The following ERC2 variants were observed in gnomAD, a reference collection of about 807,000 sequenced individuals.
The protein encoded by ERC2 is ELKS/RAB6-interacting/CAST family member 2.
A neutral mutation model predicts 114.8 loss-of-function variants in ERC2; 42 were observed. That is an observed-to-expected ratio of 0.37 (90% CI 0.29 to 0.47). The LOEUF (loss-of-function observed/expected upper bound fraction) is 0.47. ERC2 is among the 20% of genes least tolerant of loss of function. The pLI is 0.99. For synonymous variants in ERC2, 454 were observed against 425.5 expected, an observed-to-expected ratio of 1.07 and a Z score of -0.82; for missense variants, 939 against 1,150.7, an observed-to-expected ratio of 0.82 and a Z score of 2.66.
chr3:55,724,869 T>C (rs1372341561), intron 15 of ERC2, among the ~76,000 whole-genome samples: 1 of 152,176 alleles, frequency 6.6e-6, no homozygotes, highest in Non-Finnish European at 1.5e-5. Flanking sequence ...ACACTCTACT[T>C]TGGTGGTGGA....
intron 2 of ERC2, among the ~76,000 whole-genome samples, chr3:56,347,276 A>G (rs1051908848): frequency 1.3e-5 from 2 of 152,154 alleles, no homozygotes; most frequent in African/African-American, 4.8e-5. Context: ...TAATTAAGCT[A>G]CTGTCTCCCA....
intron 1 of ERC2, among the ~76,000 whole-genome samples, chr3:56,447,755 T>A (rs2062644361): frequency 6.6e-6 from 1 of 152,122 alleles, no homozygotes. Context: ...ATTGATTTTT[T>A]TTTTTGAGAC....
intron 16 of ERC2, among the ~76,000 whole-genome samples, chr3:55,684,461 TGA>T (rs1189031011): frequency 6.6e-6 from 1 of 152,170 alleles, no homozygotes; most frequent in Non-Finnish European, 1.5e-5. Flanking sequence ...GCTCTCAGCA[TGA>T]AAGAGGATGC....
chr3:55,979,942 CTTCTTCTTTTTTT>C (rs1317776286), intron 12 of ERC2, among the ~76,000 whole-genome samples: 1 of 149,764 alleles, frequency 6.7e-6, no homozygotes, highest in Non-Finnish European at 1.5e-5. Context: ...GACCCTATCT[CTTCTTCTTTTTTT>C]TTCTTTTTTT....
At chr3:56,465,121 G>A (rs915028385) in intron 1 of ERC2, among the ~76,000 whole-genome samples, 4 of 152,182 alleles carry the variant, frequency 2.6e-5, no homozygotes, top group Non-Finnish European at 5.9e-5. Flanking sequence ...AAGAGGGGCC[G>A]GTCATGGTGG....
chr3:56,444,405 C>T (rs73077772), intron 1 of ERC2, among the ~76,000 whole-genome samples: 9,178 of 152,138 alleles, frequency 0.06, 362 homozygotes, highest in South Asian at 0.17. Context: ...AAATTAGTTG[C>T]GCAACACCCT....
chr3:56,181,417 T>G (rs28583826), intron 3 of ERC2, among the ~76,000 whole-genome samples: 4,314 of 152,324 alleles, frequency 0.028, 66 homozygotes, highest in Middle Eastern at 0.051. Flanking sequence ...TTATGGCTGC[T>G]TTCATGCTGC....
intron 17 of ERC2, among the ~76,000 whole-genome samples, chr3:55,533,935 G>A (rs985539241): frequency 1.6e-4 from 24 of 152,204 alleles, no homozygotes; most frequent in Non-Finnish European, 2.5e-4. Context: ...GAGTGGTAGC[G>A]TGGCGAGCTG....
rs191578846 is a variant in ERC2 at position 55,830,426 on chromosome 3, C to T, written c.2564+57963G>A. On this transcript the variant is annotated intron_variant, in intron 14 of 17. Coordinates refer to ENST00000288221, the MANE Select transcript of ERC2 (RefSeq NM_015576.3). ...TGGAAATATAATGGACTATTTTTCTCCTTTTAGGGCCTTCAAACTACGTAT... is the reference window on the plus strand; with the variant it reads ...TGGAAATATAATGGACTATTTTTCTTCTTTTAGGGCCTTCAAACTACGTAT... 1.4e-3 allele frequency among the ~76,000 whole-genome samples: 207 copies of T among 152,260 alleles called. 1 individual carries two copies. Among genetic ancestry groups the T allele is most frequent in the African/African-American group, 4.7e-3 (194 of 41,552 alleles).
intron 13 of ERC2, among the ~76,000 whole-genome samples, chr3:55,931,754 A>T (rs1048814012): frequency 6.1e-5 from 9 of 146,594 alleles, no homozygotes; most frequent in Admixed American, 2.0e-4. Flanking sequence ...AGTATAATTT[A>T]AAAAAAAAAA....
At chr3:55,900,827 T>C (rs2064096129) in intron 13 of ERC2, among the ~76,000 whole-genome samples, 1 of 152,228 alleles carries the variant, frequency 6.6e-6, no homozygotes, top group Non-Finnish European at 1.5e-5. Context: ...AGCCATACTG[T>C]AGAAAGGTAA....
chr3:56,313,410 C>T (rs1414478428), intron 2 of ERC2, among the ~76,000 whole-genome samples: 1 of 151,994 alleles, frequency 6.6e-6, no homozygotes, highest in Non-Finnish European at 1.5e-5. Context: ...TTACGGATGC[C>T]TTCCTATTTC....
At chr3:56,162,880 G>GT (rs745634487) in intron 4 of ERC2, among the ~76,000 whole-genome samples, 120 of 151,758 alleles carry the variant, frequency 7.9e-4, no homozygotes, top group African/African-American at 2.5e-3. Context: ...GTTCTGCTCT[G>GT]TTTTTTTTAT....
rs57277133 is a variant in ERC2, at chr3:55,822,335, G to A, written c.2564+66054C>T. Among the ~76,000 whole-genome samples, 826 of 152,098 alleles carry A rather than the reference G, an allele frequency of 5.4e-3. 9 individuals carry two copies. Among genetic ancestry groups the A allele is most frequent in the African/African-American group, 0.019 (771 of 41,500 alleles). ...AAGACTTAAAATCAACTAACACATG[G>A]GGCCTGTTTCTGAAATTTATGTTGC... On this transcript the variant is annotated intron_variant, in intron 14 of 17. Transcript: ENST00000288221.
At chr3:56,174,653 C>T (rs1161248991) in intron 3 of ERC2, among the ~76,000 whole-genome samples, 4 of 152,142 alleles carry the variant, frequency 2.6e-5, no homozygotes, top group South Asian at 4.2e-4. Flanking sequence ...CTACCTCCAC[C>T]ATTATCATCT....
chr3:55,560,310 T>C (rs2055918914), intron 17 of ERC2, among the ~76,000 whole-genome samples: 1 of 152,216 alleles, frequency 6.6e-6, no homozygotes, highest in Non-Finnish European at 1.5e-5. Flanking sequence ...TATAAGGCTA[T>C]TTCTTGCTCA....
intron 2 of ERC2, among the ~76,000 whole-genome samples, chr3:56,370,277 A>G (rs1393754290): frequency 6.6e-6 from 1 of 152,132 alleles, no homozygotes; most frequent in South Asian, 2.1e-4. Context: ...TAATAATACT[A>G]CCTCTGCCCT....
intron 2 of ERC2, among the ~76,000 whole-genome samples, chr3:56,353,582 A>G (rs1050870486): frequency 1.4e-4 from 20 of 145,294 alleles, no homozygotes; most frequent in Admixed American, 3.6e-4. Flanking sequence ...ACATGTTCTC[A>G]CTCATAGGTG....
At chr3:56,239,768 G>A (rs1215402639) in intron 3 of ERC2, among the ~76,000 whole-genome samples, 2 of 152,132 alleles carry the variant, frequency 1.3e-5, no homozygotes, top group African/African-American at 4.8e-5. Context: ...CCTTCTGATC[G>A]GAGGCATAAA....
Sources: gnomAD v4.1 joint callset for allele counts (sites outside exome capture counted in the v4.1 genomes callset) on GRCh38, gnomAD v4.1.1 for gene constraint, MANE v1.5 for transcripts, NCBI Gene and HGNC (gene_info 2026-07-23, HGNC 2026-07-21) for gene names.